Variants in DAB2 observed in about 807,000 individuals in gnomAD.
DAB2 encodes DAB adaptor protein 2.
A neutral mutation model predicts 71.6 loss-of-function variants in DAB2; 28 were observed. That is an observed-to-expected ratio of 0.39 (90% CI 0.29 to 0.54). The LOEUF is 0.54. Among genes scored for constraint, DAB2 ranks in the 20% least tolerant of loss-of-function variants. The pLI, the probability that DAB2 is intolerant of heterozygous loss-of-function variation, is 0.68. For synonymous variants in DAB2, 345 were observed against 339.7 expected, an observed-to-expected ratio of 1.02 and a Z score of -0.17; for missense variants, 867 against 928.8, an observed-to-expected ratio of 0.93 and a Z score of 0.86.
chr5:39,375,902 A>G (rs533120683), intron 13 of DAB2, 95 bp downstream of exon 13: 1 of 914,194 alleles, frequency 1.1e-6, no homozygotes, highest in Non-Finnish European at 1.7e-6. Context: ...ATAAATAAAT[A>G]AATAAAAGCT....
At chr5:39,388,983 G>A (rs1476486438) in intron 7 of DAB2, 114 bp downstream of exon 7, 2 of 1,316,592 alleles carry the variant, frequency 1.5e-6, no homozygotes, top group African/African-American at 1.5e-5. Flanking sequence ...CATGATCAGA[G>A]AAGTCATAAA....
intron 11 of DAB2, among the ~76,000 whole-genome samples, chr5:39,378,774 AC>A (rs1754890582): frequency 6.6e-6 from 1 of 152,162 alleles, no homozygotes; most frequent in East Asian, 1.9e-4. Flanking sequence ...TAAATCCGGC[AC>A]CCCATTCTCC....
intron 1 of DAB2, among the ~76,000 whole-genome samples, chr5:39,415,533 G>A (rs1164345938): frequency 1.3e-5 from 2 of 152,142 alleles, no homozygotes; most frequent in African/African-American, 2.4e-5. Context: ...AGAATACAAC[G>A]TGTCACTTTC....
At chr5:39,378,472 A>G (rs1242362277) in intron 11 of DAB2, among the ~76,000 whole-genome samples, 1 of 152,216 alleles carries the variant, frequency 6.6e-6, no homozygotes, top group Non-Finnish European at 1.5e-5. Context: ...TATGTTTCCA[A>G]GAGGGAATAC....
intron 14 of DAB2, among the ~76,000 whole-genome samples, chr5:39,374,585 C>G (rs182921983): frequency 2.0e-5 from 3 of 152,270 alleles, no homozygotes; most frequent in East Asian, 1.9e-4. Context: ...AAGTAATGAT[C>G]ATAATCTGTT....
intron 1 of DAB2, among the ~76,000 whole-genome samples, chr5:39,400,341 T>A (rs997674187): frequency 5.9e-5 from 9 of 151,972 alleles, no homozygotes; most frequent in African/African-American, 2.2e-4. Flanking sequence ...CAAGCCATTC[T>A]CCTTCCTCAG....
intron 1 of DAB2, among the ~76,000 whole-genome samples, chr5:39,420,733 G>T (rs1388989653): frequency 2.0e-5 from 3 of 152,182 alleles, no homozygotes; most frequent in Non-Finnish European, 2.9e-5. Context: ...AAATAAGTTT[G>T]GAGGGGGTGA....
chr5:39,419,206 T>C (rs1363135685), intron 1 of DAB2, among the ~76,000 whole-genome samples: 3 of 152,224 alleles, frequency 2.0e-5, no homozygotes, highest in African/African-American at 7.2e-5. Context: ...AGCACTGCCA[T>C]TCACATGTAA....
At chr5:39,381,319 T>C (rs1188701651) in intron 11 of DAB2, 135 bp downstream of exon 11, 30 of 841,408 alleles carry the variant, frequency 3.6e-5, no homozygotes, top group Non-Finnish European at 5.1e-5. Context: ...ATAGTAGAAG[T>C]GGGAGAAGGG....
chr5:39,385,397 G>A (rs1755076733), intron 9 of DAB2: 1 of 152,150 alleles, frequency 6.6e-6, no homozygotes, highest in African/African-American at 2.4e-5. Flanking sequence ...CACCAAACAG[G>A]AGCCACAATG....
chr5:39,410,603 C>A (rs895557728), intron 1 of DAB2, among the ~76,000 whole-genome samples: 3 of 152,144 alleles, frequency 2.0e-5, no homozygotes, highest in East Asian at 3.9e-4. Context: ...TATACTAGGA[C>A]AATTGAGTTT....
rs1282305948 is a variant in DAB2 at position 39,376,901 on chromosome 5, G to A, written c.1886C>T (p.Pro629Leu). The part of the protein sequence containing the change: ...PPQPPPRAGP[P>L]KDISSDAFTA... ...GAAGGCATCACTGGAGATGTCCTTG[G>A]GAGGGCCAGCTCTGGGAGGTGGCTG... is the stretch of plus-strand genomic sequence containing the variant. Residue 629 changes from proline (P) to leucine (L), a missense_variant, in exon 12 of 15, where the codon CCC (proline) becomes CTC (leucine). Coordinates refer to ENST00000320816, the MANE Select transcript of DAB2 (RefSeq NM_001343.4). The A allele has an allele frequency of 6.2e-7, 1 of 1,614,116 alleles. No homozygotes were observed. Among genetic ancestry groups the A allele is most frequent in the Non-Finnish European group, 8.5e-7 (1 of 1,179,994 alleles).
intron 1 of DAB2, chr5:39,418,282 T>G (rs1755894778): frequency 6.6e-6 from 1 of 152,160 alleles, no homozygotes; most frequent in Non-Finnish European, 1.5e-5. Context: ...GGTATAGCAT[T>G]CTTCATATGA....
intron 1 of DAB2, among the ~76,000 whole-genome samples, chr5:39,412,008 T>G (rs1579925484): frequency 6.6e-6 from 1 of 152,232 alleles, no homozygotes; most frequent in African/African-American, 2.4e-5. Flanking sequence ...TTATCAGAGG[T>G]GAGATGTGAA....
intron 1 of DAB2, among the ~76,000 whole-genome samples, chr5:39,410,777 G>A (rs946658021): frequency 6.7e-6 from 1 of 148,566 alleles, no homozygotes; most frequent in African/African-American, 2.5e-5. Context: ...TTATGTTAAT[G>A]TTGAGATTAC....
intron 1 of DAB2, among the ~76,000 whole-genome samples, chr5:39,405,382 A>G (rs1755588688): frequency 6.6e-6 from 1 of 152,248 alleles, no homozygotes; most frequent in Non-Finnish European, 1.5e-5. Context: ...CAGAACAGGA[A>G]TCCAACTTTC....
At chr5:39,374,153 G>C (rs188882840) in intron 14 of DAB2, among the ~76,000 whole-genome samples, 1 of 152,062 alleles carries the variant, frequency 6.6e-6, no homozygotes, top group East Asian at 1.9e-4. Context: ...CCAAATCACA[G>C]TTTAGTAGTC....
chr5:39,388,304 C>T lies in DAB2; in HGVS notation c.687+1G>A. ...TTGCAAATTTAAAAACAAACACTTA[C>T]TGTTGGACTATTTAGGTCAGGAGGT... is the stretch of plus-strand genomic sequence containing the variant. On this transcript the variant is annotated splice_donor_variant, in intron 9 of 14. Transcript: ENST00000320816. LOFTEE classifies it high-confidence loss of function. 1 of 1,606,622 alleles carries T rather than the reference C, an allele frequency of 6.2e-7. No individual in the cohort carries two copies. The highest frequency in any genetic ancestry group is 8.5e-7 in the Non-Finnish European group (1 of 1,174,878).
intron 9 of DAB2, 111 bp from the exon 10 acceptor site, chr5:39,383,382 C>A: frequency 2.2e-6 from 2 of 920,632 alleles, no homozygotes; most frequent in East Asian, 5.0e-5. Context: ...TGAATTTGGT[C>A]TTGATAAATC....
Sources: gnomAD v4.1 joint callset for allele counts (sites outside exome capture counted in the v4.1 genomes callset) on GRCh38, gnomAD v4.1.1 for gene constraint, MANE v1.5 for transcripts, NCBI Gene and HGNC (gene_info 2026-07-23, HGNC 2026-07-21) for gene names.